The following SCUBE3 variants were observed in gnomAD, a reference collection of about 807,000 sequenced individuals.
SCUBE3 encodes signal peptide, CUB domain and EGF like domain containing 3.
A neutral mutation model predicts 116.8 loss-of-function variants in SCUBE3; 33 were observed. That is an observed-to-expected ratio of 0.28 (90% CI 0.21 to 0.38). The LOEUF (loss-of-function observed/expected upper bound fraction) is 0.38, where lower values mean the gene tolerates loss of function less well. Among genes scored for constraint, SCUBE3 ranks in the 10% least tolerant of loss-of-function variants. The pLI, the probability that SCUBE3 is intolerant of heterozygous loss-of-function variation, is 1.00. For synonymous variants in SCUBE3, 418 were observed against 496.9 expected (o/e 0.84, Z 2.11); for missense variants, 1,007 against 1,324.8 (o/e 0.76, Z 3.72).
Position 35,248,576 on chromosome 6 carries a change from C to T in SCUBE3, c.2853C>T (p.Ala951=), listed in dbSNP as rs765830278. 2.5e-6 allele frequency: 4 copies of T among 1,614,142 alleles called. No individual in the cohort carries two copies. The Admixed American group carries it at 6.7e-5, about 27-fold the overall frequency. ...TGCAGGACAAGAAGCTCATCAAGGCCTTCTTTGAGGTGCTAGCCCACCCCC... is the reference window on the plus strand; with the variant it reads ...TGCAGGACAAGAAGCTCATCAAGGCTTTCTTTGAGGTGCTAGCCCACCCCC... ...EILKDKKLIK[A]FFEVLAHPQN... Residue 951 remains alanine, a synonymous_variant, in exon 22 of 22, where the codon GCC becomes GCT. Transcript: ENST00000274938.
chr6:35,245,992 G>A lies in SCUBE3; in HGVS notation c.2648G>A (p.Arg883His), dbSNP rs750286127. ...TTYETCQTYE[R>H]PIAFTARSRK... Reference sequence around the variant, plus strand: ...TATGAGACCTGCCAGACCTACGAGCGTCCCATTGCCTTCACTGCCCGTTCC... The same window carrying A: ...TATGAGACCTGCCAGACCTACGAGCATCCCATTGCCTTCACTGCCCGTTCC... Residue 883 changes from arginine to histidine, a missense_variant, in exon 20 of 22, where the codon CGT becomes CAT. Arg to His is a conservative substitution (Grantham distance 29). Transcript: ENST00000274938. This position sits in a 1 kb window ranked among gnomAD's most constrained non-coding sequence, Gnocchi z 4.2. 1.9e-6 allele frequency: 3 copies of A among 1,613,984 alleles called. No homozygotes were observed. Among genetic ancestry groups the A allele is most frequent in the African/African-American group, 2.7e-5 (2 of 74,882 alleles).
chr6:35,242,700 G>A lies in SCUBE3; in HGVS notation c.1613G>A (p.Arg538Gln), dbSNP rs200921745. The A allele has an allele frequency of 3.0e-4, 491 of 1,614,104 alleles. 2 individuals carry two copies. Among genetic ancestry groups the A allele is most frequent in the South Asian group, 1.0e-3 (92 of 91,076 alleles). Reference protein sequence around the residue: ...CDSSRKGKGRRARTPPGKEVT... With the variant: ...CDSSRKGKGRQARTPPGKEVT... ...TCCTCTCGGAAGGGCAAGGGCCGACGGGCCCGGACCCCTCCAGGCAAAGAG... is the reference window on the plus strand; with the variant it reads ...TCCTCTCGGAAGGGCAAGGGCCGACAGGCCCGGACCCCTCCAGGCAAAGAG... Residue 538 changes from arginine (R) to glutamine (Q), a missense_variant, in exon 14 of 22, where the codon CGG becomes CAG. Arg to Gln is a conservative substitution (Grantham distance 43). Around this residue, in one of 5 missense-constraint regions of SCUBE3, gnomAD observed 544 missense variants for 638.9 expected, o/e 0.85. Coordinates refer to ENST00000274938, the MANE Select transcript of SCUBE3 (RefSeq NM_152753.4).
At position 35,245,857 on chromosome 6, in the gene SCUBE3, C is replaced by A. The variant is rs1562060937; in HGVS notation, c.2600-87C>A. 2 of 1,387,128 alleles carry A rather than the reference C, an allele frequency of 1.4e-6. No individual in the cohort carries two copies. The highest frequency in any genetic ancestry group is 1.4e-5 in the African/African-American group (1 of 69,906). The allele number at this position is 1,387,128 out of a possible 1,614,324, so 85.9% of individuals were successfully genotyped here. On this transcript the variant is annotated intron_variant, in intron 19 of 21. Coordinates refer to ENST00000274938, the MANE Select transcript of SCUBE3 (RefSeq NM_152753.4). This position sits in a 1 kb window ranked among gnomAD's most constrained non-coding sequence, Gnocchi z 4.2. ...TCAGAATGATTCTCTTGCCCTATAC[C>A]CCCACCACCAGCTGTACAGCCCACG... is the stretch of plus-strand genomic sequence containing the variant.
intron 1 of SCUBE3, among the ~76,000 whole-genome samples, chr6:35,215,405 C>T (rs1469094251): frequency 1.3e-5 from 2 of 152,150 alleles, no homozygotes. Flanking sequence ...GTTTCTCCTC[C>T]CCCTTGACCT....
chr6:35,242,571 G>A, intron 13 of SCUBE3, 51 bp from the exon 14 acceptor site: 2 of 1,554,738 alleles, frequency 1.3e-6, no homozygotes, highest in African/African-American at 1.4e-5. Flanking sequence ...TGGGCTGGGA[G>A]TGAGAACTTT....
At chr6:35,237,084 T>C (rs1235267756) in intron 6 of SCUBE3, among the ~76,000 whole-genome samples, 1 of 152,186 alleles carries the variant, frequency 6.6e-6, no homozygotes, top group East Asian at 1.9e-4. Context: ...AAAATAAGGA[T>C]TTAGGTCTTA....
At chr6:35,224,039 C>G (rs1378747809) in intron 1 of SCUBE3, 1 of 152,078 alleles carries the variant, frequency 6.6e-6, no homozygotes. Flanking sequence ...CAGGAACTCA[C>G]CAGGAACGGG....
Position 35,235,300 on chromosome 6 carries a change from GCT to G in SCUBE3, c.712+2000_712+2001del. On this transcript the variant is annotated intron_variant, in intron 6 of 21. Transcript: ENST00000274938. This position sits in a 1 kb window ranked among gnomAD's most constrained non-coding sequence, Gnocchi z 4.5. ...AGACAGGATAAGGATGAGGAGTGAA[GCT>G]GTCATAAGGGTCCCAGGGCTCATCA... is the stretch of plus-strand genomic sequence containing the variant. 2 of 389,684 alleles carry G rather than the reference GCT, an allele frequency of 5.1e-6. No homozygotes were observed. The highest frequency in any genetic ancestry group is 1.0e-5 in the Non-Finnish European group (2 of 194,464). 24.1% of individuals were successfully genotyped at this position (389,684 alleles called of 1,614,324 possible). A position where few individuals can be genotyped will look rare whatever the true frequency, so the allele number is the denominator to read the frequency against.
In SCUBE3 at chr6:35,241,643, G is replaced by A. The variant is rs1784057778; in HGVS notation, c.1296G>A (p.Arg432=). 6.2e-7 allele frequency: 1 copy of A among 1,613,342 alleles called. No homozygotes were observed. Among genetic ancestry groups the A allele is most frequent in the Admixed American group, 1.7e-5 (1 of 60,002 alleles). ...CCTGTGCCCTGACCTGTCCCTCCAG[G>A]GCCCGATTTTTGCCAGGTACATGGG... ...KDTCALTCPS[R]ARFLPESENG... is the part of the protein sequence containing the mutation. Residue 432 remains arginine, a synonymous_variant, in exon 11 of 22, where the codon AGG becomes AGA. Transcript: ENST00000274938. The surrounding 1 kb of genome is among the most constrained non-coding windows in gnomAD (Gnocchi z 4.1).
chr6:35,239,186 C>T lies in SCUBE3; in HGVS notation c.830-566C>T, dbSNP rs1193724617. 6.6e-5 allele frequency among the ~76,000 whole-genome samples: 10 copies of T among 152,134 alleles called. No individual in the cohort carries two copies. Among genetic ancestry groups the T allele is most frequent in the Non-Finnish European group, 4.4e-5 (3 of 68,012 alleles). Reference sequence around the variant, plus strand: ...CCTTGCCTGGCCCCCAGCCCTCCCCCATCAGCTACCCAGCCTCACTGGCTC... The same window carrying T: ...CCTTGCCTGGCCCCCAGCCCTCCCCTATCAGCTACCCAGCCTCACTGGCTC... On this transcript the variant is annotated intron_variant, in intron 7 of 21. Transcript: ENST00000274938. The surrounding 1 kb of genome is among the most constrained non-coding windows in gnomAD (Gnocchi z 4.1).
chr6:35,227,060 G>C (rs1171853725), intron 1 of SCUBE3, among the ~76,000 whole-genome samples: 1 of 152,126 alleles, frequency 6.6e-6, no homozygotes, highest in Non-Finnish European at 1.5e-5. Context: ...CTCCATGGTG[G>C]GCAAGTGGAA....
At chr6:35,246,317 C>T (rs1784335613) in intron 21 of SCUBE3, 32 bp downstream of exon 21, 7 of 1,461,052 alleles carry the variant, frequency 4.8e-6, no homozygotes, top group Non-Finnish European at 6.7e-6. Context: ...TGATAGCTAA[C>T]ATTTAATAAG....
rs190206039 is a variant in SCUBE3 at position 35,234,550 on chromosome 6, C to T, written c.712+1249C>T. On this transcript the variant is annotated intron_variant, in intron 6 of 21. Transcript: ENST00000274938. Reference sequence around the variant, plus strand: ...AATTAACTCTTCAAAGACCCCAGAACATTTTTAGGCTCTTCTCATTGCCTT... The same window carrying T: ...AATTAACTCTTCAAAGACCCCAGAATATTTTTAGGCTCTTCTCATTGCCTT... 4.4e-3 allele frequency among the ~76,000 whole-genome samples: 664 copies of T among 152,310 alleles called. 6 individuals are homozygous for T. The highest frequency in any genetic ancestry group is 0.015 in the African/African-American group (641 of 41,576).
chr6:35,241,790 A>G lies in SCUBE3; in HGVS notation c.1313-16A>G, dbSNP rs991399693. 6.2e-7 allele frequency: 1 copy of G among 1,602,170 alleles called. No individual in the cohort carries two copies. The highest frequency in any genetic ancestry group is 8.6e-7 in the Non-Finnish European group (1 of 1,169,276). Reference sequence around the variant, plus strand: ...TGGGAAGGCAGGTCAGAACTGTGACAGGCTCCTTTTCTCAGAGTCTGAGAA... The same window carrying G: ...TGGGAAGGCAGGTCAGAACTGTGACGGGCTCCTTTTCTCAGAGTCTGAGAA... On this transcript the variant is annotated splice_polypyrimidine_tract_variant and intron_variant, in intron 11 of 21. Transcript: ENST00000274938. This position sits in a 1 kb window ranked among gnomAD's most constrained non-coding sequence, Gnocchi z 4.1.
At position 35,231,822 on chromosome 6, in the gene SCUBE3, C is replaced by T; in HGVS notation, c.432C>T (p.Leu144=). The T allele has an allele frequency of 6.2e-7, 1 of 1,613,542 alleles. No individual in the cohort carries two copies. The highest frequency in any genetic ancestry group is 8.5e-7 in the Non-Finnish European group (1 of 1,179,576). ...YECHCREGFF[L]SDNQHTCIQR... is the part of the protein sequence containing the mutation. Reference sequence around the variant, plus strand: ...GCCACTGCCGGGAAGGCTTCTTCCTCAGCGACAACCAGCATACCTGTATCC... The same window carrying T: ...GCCACTGCCGGGAAGGCTTCTTCCTTAGCGACAACCAGCATACCTGTATCC... Residue 144 remains leucine, a synonymous_variant, in exon 4 of 22, where the codon CTC becomes CTT. Transcript: ENST00000274938. The surrounding 1 kb of genome is among the most constrained non-coding windows in gnomAD (Gnocchi z 4.2).
At chr6:35,237,860 G>T (rs764014105) in intron 6 of SCUBE3, 42 bp from the exon 7 acceptor site, 13 of 1,299,310 alleles carry the variant, frequency 1.0e-5, no homozygotes, top group Non-Finnish European at 1.3e-5. Context: ...ACTCCTCCAG[G>T]CTTGTAACCT....
In SCUBE3 at chr6:35,250,858, C is replaced by A. The variant is rs1348388196; in HGVS notation, c.*2153C>A. The A allele has an allele frequency of 1.3e-5, 2 of 152,188 alleles. No individual in the cohort carries two copies. Among genetic ancestry groups the A allele is most frequent in the Non-Finnish European group, 2.9e-5 (2 of 68,074 alleles). 9.4% of individuals were successfully genotyped at this position (152,188 alleles called of 1,614,324 possible). A position where few individuals can be genotyped will look rare whatever the true frequency, so the allele number is the denominator to read the frequency against. ...TGACTCCCTGCCCTCCCATCAGTAG[C>A]ATTCATCAGCCAAAACGGCCATAGC... On this transcript the variant is annotated 3_prime_UTR_variant, in exon 22 of 22. Coordinates refer to ENST00000274938, the MANE Select transcript of SCUBE3 (RefSeq NM_152753.4).
In SCUBE3 at chr6:35,249,753, CAA is replaced by C. The variant is rs1032289072; in HGVS notation, c.*1050_*1051del. ...GCCCCAGCTGGCTTGTGGGCTTCAC[CAA>C]AGAGGACCCCACTCTGAAGCCAGCC... is the stretch of plus-strand genomic sequence containing the variant. On this transcript the variant is annotated 3_prime_UTR_variant, in exon 22 of 22. Transcript: ENST00000274938. 3.9e-5 allele frequency: 6 copies of C among 152,608 alleles called. No homozygotes were observed. The highest frequency in any genetic ancestry group is 1.4e-4 in the African/African-American group (6 of 41,422). 9.5% of individuals were successfully genotyped at this position (152,608 alleles called of 1,614,324 possible).
chr6:35,246,536 C>G (rs1416341295), intron 21 of SCUBE3, among the ~76,000 whole-genome samples: 1 of 152,148 alleles, frequency 6.6e-6, no homozygotes, highest in Non-Finnish European at 1.5e-5. Flanking sequence ...CTATATTACA[C>G]CTTGGGGAAA....
Sources: allele counts gnomAD v4.1 joint callset (sites outside exome capture counted in the v4.1 genomes callset), GRCh38; gene constraint gnomAD v4.1.1; regional missense constraint gnomAD v4.1.1; non-coding constraint Gnocchi (gnomAD v3.1); transcripts MANE v1.5; gene names NCBI Gene and HGNC (gene_info 2026-07-23, HGNC 2026-07-21).